Variants in BRD4 observed in about 807,000 individuals in gnomAD.
The protein encoded by BRD4 is bromodomain-containing protein 4.
BRD4 carries 16 observed loss-of-function variants against 142.1 expected under a neutral mutation model. The observed-to-expected ratio is 0.11, with a 90% CI of 0.08 to 0.17. The LOEUF is 0.17. Ranked by LOEUF, BRD4 falls within the 10% of genes least tolerant of loss-of-function variation. The pLI is 1.00. For missense variants in BRD4, 1,424 were observed against 1,810.9 expected, an observed-to-expected ratio of 0.79 and a Z score of 3.88; for synonymous variants, 833 against 707.5, an observed-to-expected ratio of 1.18 and a Z score of -2.82.
At chr19:15,320,395 T>C (rs2048051385) in intron 1 of BRD4, among the ~76,000 whole-genome samples, 1 of 152,166 alleles carries the variant, frequency 6.6e-6, no homozygotes, top group African/African-American at 2.4e-5. Flanking sequence ...CTGTACCTTT[T>C]GCAGGCACGG....
rs2047222457 is a variant in BRD4 at position 15,239,672 on chromosome 19, G to A, written c.3432C>T (p.Val1144=). The change falls in exon 16 of 20, where the codon GTC becomes GTT. Residue 1144 remains valine, a synonymous_variant. Transcript: ENST00000679869. This position sits in a 1 kb window ranked among gnomAD's most constrained non-coding sequence, Gnocchi z 7.4. ...GAGAGCACTCACGCTGGGGCAGGTG[G>A]ACGGGGGCCTTGATGCTCTCCGGGT... ...PKHPESIKAP[V]HLPQRPEMKP... 1 of 1,584,274 alleles carries A rather than the reference G, an allele frequency of 6.3e-7. No individual in the cohort carries two copies. Among genetic ancestry groups the A allele is most frequent in the African/African-American group, 1.4e-5 (1 of 73,804 alleles).
chr19:15,290,961 G>A (rs923800592), intron 1 of BRD4, among the ~76,000 whole-genome samples: 2 of 152,096 alleles, frequency 1.3e-5, no homozygotes, highest in African/African-American at 4.8e-5. Context: ...CATTAAAGAC[G>A]CATATGGTAT....
intron 1 of BRD4, among the ~76,000 whole-genome samples, chr19:15,276,471 T>C (rs552899541): frequency 7.9e-5 from 12 of 151,786 alleles, no homozygotes; most frequent in Admixed American, 5.9e-4. Flanking sequence ...GCCAGACAGA[T>C]GGATGGATGC....
At chr19:15,287,265 A>G (rs1273831443) in intron 1 of BRD4, among the ~76,000 whole-genome samples, 2 of 152,060 alleles carry the variant, frequency 1.3e-5, no homozygotes, top group East Asian at 1.9e-4. Flanking sequence ...ACACAGTAAA[A>G]ACTTTAATAA....
rs141814143 is a variant in BRD4 at position 15,244,562 on chromosome 19, C to T, written c.2250G>A (p.Pro750=). The T allele has an allele frequency of 1.4e-4, 224 of 1,603,368 alleles. No individual in the cohort carries two copies. Among genetic ancestry groups the T allele is most frequent in the Middle Eastern group, 5.0e-4 (3 of 6,004 alleles). Residue 750 remains proline, a synonymous_variant, in exon 13 of 20, where the codon CCG becomes CCA. Transcript: ENST00000679869. Reference sequence around the variant, plus strand: ...GGGGCGGCTGCTGGGGCACAGGAGCCGGGGCCTGCTGCATCTGCTGATGGT... The same window carrying T: ...GGGGCGGCTGCTGGGGCACAGGAGCTGGGGCCTGCTGCATCTGCTGATGGT... ...HHHHQQMQQA[P]APVPQQPPPP... is the part of the protein sequence containing the mutation.
chr19:15,305,023 CTT>C lies in BRD4; in HGVS notation c.-35+27265_-35+27266del, dbSNP rs34235278. 7.8e-3 allele frequency among the ~76,000 whole-genome samples: 980 copies of C among 126,358 alleles called. 7 individuals are homozygous for C. The highest frequency in any genetic ancestry group is 0.019 in the South Asian group (75 of 4,054). 82.9% of individuals were successfully genotyped at this position (126,358 alleles called of 152,430 possible). A position where few individuals can be genotyped will look rare whatever the true frequency, so the allele number is the denominator to read the frequency against. On this transcript the variant is annotated intron_variant, in intron 1 of 19. Transcript: ENST00000679869. ...TCACCTACATTAAAATTAAGACCATCTTTTTTTTTTTTTTTTTTTTGAGACGG... is the reference window on the plus strand; with the variant it reads ...TCACCTACATTAAAATTAAGACCATCTTTTTTTTTTTTTTTTTTGAGACGG...
chr19:15,330,972 C>A (rs137931939), intron 1 of BRD4, among the ~76,000 whole-genome samples: 25 of 152,182 alleles, frequency 1.6e-4, no homozygotes, highest in Non-Finnish European at 2.6e-4. Flanking sequence ...AGGTAAACTG[C>A]GACTTGGTTT....
At chr19:15,310,725 T>A (rs564702511) in intron 1 of BRD4, among the ~76,000 whole-genome samples, 2 of 150,398 alleles carry the variant, frequency 1.3e-5, no homozygotes, top group South Asian at 4.3e-4. Context: ...AAACTCCTGA[T>A]CTCAGGTGAT....
chr19:15,296,208 C>T (rs1177778539), intron 1 of BRD4, among the ~76,000 whole-genome samples: 5 of 151,750 alleles, frequency 3.3e-5, no homozygotes, highest in African/African-American at 9.7e-5. Flanking sequence ...GAGCCAAGAT[C>T]GTGCCACTGC....
In BRD4 at chr19:15,240,574, TG is replaced by T. The variant is rs2047230805; in HGVS notation, c.3170-553del. Among the ~76,000 whole-genome samples, 9 of 152,224 alleles carry T rather than the reference TG, an allele frequency of 5.9e-5. No individual in the cohort carries two copies. The South Asian group carries it at 1.9e-3, about 32-fold the overall frequency. On this transcript the variant is annotated intron_variant, in intron 14 of 19. Transcript: ENST00000679869. Reference sequence around the variant, plus strand: ...CACGCCCCCACGGAAGAGAGAAGCCTGGAATTGGCCTCCACCTGCGCCGAGT... The same window carrying T: ...CACGCCCCCACGGAAGAGAGAAGCCTGAATTGGCCTCCACCTGCGCCGAGT...
intron 1 of BRD4, among the ~76,000 whole-genome samples, chr19:15,280,944 G>T (rs757105848): frequency 1.3e-5 from 2 of 152,232 alleles, no homozygotes; most frequent in Non-Finnish European, 2.9e-5. Flanking sequence ...CTGAAATGCT[G>T]ATTACACAAC....
chr19:15,252,990 G>C (rs2047363648), intron 11 of BRD4: 2 of 208,140 alleles, frequency 9.6e-6, no homozygotes, highest in Non-Finnish European at 2.0e-5. Context: ...TACATGCACT[G>C]ATTATTGAGG....
At chr19:15,259,508 C>G (rs1361309129) in intron 7 of BRD4, among the ~76,000 whole-genome samples, 1 of 152,208 alleles carries the variant, frequency 6.6e-6, no homozygotes, top group Non-Finnish European at 1.5e-5. Context: ...GCAAAAAATA[C>G]AAGACACAAA....
In BRD4 at chr19:15,238,480, G is replaced by T; in HGVS notation, c.4021-35C>A. ...AAAGGAAGGAGGGAGTCAGGAGGATGACCTAGCCACCCTGCAGCTACAAGC... is the reference window on the plus strand; with the variant it reads ...AAAGGAAGGAGGGAGTCAGGAGGATTACCTAGCCACCCTGCAGCTACAAGC... On this transcript the variant is annotated intron_variant, in intron 19 of 19. Transcript: ENST00000679869. This position sits in a 1 kb window ranked among gnomAD's most constrained non-coding sequence, Gnocchi z 7.2. The T allele has an allele frequency of 6.2e-7, 1 of 1,613,458 alleles. No homozygotes were observed. Among genetic ancestry groups the T allele is most frequent in the South Asian group, 1.1e-5 (1 of 90,968 alleles).
At chr19:15,247,319 T>C in intron 11 of BRD4, 1 of 231,416 alleles carries the variant, frequency 4.3e-6, no homozygotes, top group African/African-American at 2.2e-5. Flanking sequence ...GAGGCCCGGC[T>C]GGCACTTCCT....
chr19:15,271,210 G>C (rs1427960059), intron 2 of BRD4, among the ~76,000 whole-genome samples: 1 of 152,074 alleles, frequency 6.6e-6, no homozygotes, highest in East Asian at 1.9e-4. Context: ...AGCCCTCCCT[G>C]CTTCAGTTCC....
At chr19:15,312,147 A>G (rs2047977067) in intron 1 of BRD4, among the ~76,000 whole-genome samples, 1 of 152,252 alleles carries the variant, frequency 6.6e-6, no homozygotes, top group African/African-American at 2.4e-5. Flanking sequence ...GGGCTGGGTC[A>G]AATGAAATGC....
chr19:15,242,338 GAA>G (rs1036662614), intron 14 of BRD4, among the ~76,000 whole-genome samples: 1 of 152,182 alleles, frequency 6.6e-6, no homozygotes. Context: ...AAGCGCCCAG[GAA>G]AAGTGAAAGG....
chr19:15,299,219 T>C (rs2047848292), intron 1 of BRD4, among the ~76,000 whole-genome samples: 1 of 152,186 alleles, frequency 6.6e-6, no homozygotes, highest in South Asian at 2.1e-4. Context: ...CATCACTCTA[T>C]GAGAAGTGAC....
Sources: gnomAD v4.1 joint callset for allele counts (sites outside exome capture counted in the v4.1 genomes callset) on GRCh38, gnomAD v4.1.1 for gene constraint, Gnocchi (gnomAD v3.1) non-coding constraint, MANE v1.5 for transcripts, NCBI Gene and HGNC (gene_info 2026-07-23, HGNC 2026-07-21) for gene names.